Variants in SUCO observed in about 807,000 individuals in gnomAD.
SUCO encodes SUN domain containing ossification factor.
Under a neutral mutation model 148.1 loss-of-function variants are expected in SUCO, and 57 were observed. The ratio of observed to expected loss-of-function variants is 0.38; its 90% CI spans 0.31 to 0.48. The LOEUF is 0.48. SUCO is among the 20% of genes least tolerant of loss of function. The pLI is 0.96. For missense variants in SUCO, 1,331 were observed against 1,468.2 expected, an observed-to-expected ratio of 0.91 and a Z score of 1.53; for synonymous variants, 470 against 502.7, an observed-to-expected ratio of 0.93 and a Z score of 0.87.
At chr1:172,549,915 A>G (rs1653160753) in intron 1 of SUCO, among the ~76,000 whole-genome samples, 1 of 151,540 alleles carries the variant, frequency 6.6e-6, no homozygotes, top group South Asian at 2.1e-4. Flanking sequence ...ATAGAAATAC[A>G]GTTTCTAAAA....
intron 2 of SUCO, chr1:172,552,679 C>G (rs1404348986): frequency 2.1e-6 from 2 of 955,088 alleles, no homozygotes; most frequent in African/African-American, 3.5e-5. Flanking sequence ...TATATTTTCA[C>G]CCACACAGTA....
intron 15 of SUCO, among the ~76,000 whole-genome samples, chr1:172,584,067 G>T (rs923457898): frequency 8.5e-5 from 13 of 152,124 alleles, no homozygotes; most frequent in Non-Finnish European, 5.9e-5. Flanking sequence ...ATTAACTAAA[G>T]AATTTGTATG....
rs944065510 is a variant in SUCO at position 172,533,466 on chromosome 1, G to A, written c.31G>A (p.Val11Ile). ...GAAGCACCGGCGGGCCTTGGCCCTG[G>A]TCTCCTGCCTCTTTCTGTGCTCTCT... is the stretch of plus-strand genomic sequence containing the variant. MKKHRRALAL[V>I]SCLFLCSLVW... is the part of the protein sequence containing the mutation. The change falls in exon 1 of 24, where the codon GTC becomes ATC. Residue 11 changes from valine to isoleucine, a missense_variant. By Grantham distance (29) the Val-to-Ile change is conservative. This residue lies in a region of SUCO where 992 missense variants were observed against 1,093.5 expected (regional missense o/e 0.91). Coordinates refer to ENST00000263688, the MANE Select transcript of SUCO (RefSeq NM_014283.5). 2.1e-5 allele frequency: 33 copies of A among 1,565,586 alleles called. No individual in the cohort carries two copies. In the South Asian group the frequency reaches 2.1e-4, roughly 10 times the overall value.
upstream of SUCO, chr1:172,533,074 G>A: frequency 1.4e-6 from 2 of 1,430,044 alleles, no homozygotes; most frequent in Non-Finnish European, 1.8e-6. Flanking sequence ...CCGGCGATTG[G>A]CTGTTGAGAG....
intron 1 of SUCO, among the ~76,000 whole-genome samples, chr1:172,548,467 T>C (rs1178342796): frequency 6.6e-6 from 1 of 152,040 alleles, no homozygotes; most frequent in Non-Finnish European, 1.5e-5. Context: ...TTGTACTCTC[T>C]TTTATCTTTT....
At chr1:172,577,613 C>A in intron 12 of SUCO, 54 bp downstream of exon 12, 1 of 1,597,468 alleles carries the variant, frequency 6.3e-7, no homozygotes, top group South Asian at 1.1e-5. Context: ...CGTATTAATG[C>A]ATTACAAAAA....
Position 172,574,824 on chromosome 1 carries a change from C to T in SUCO, c.1158-694C>T, listed in dbSNP as rs186486491. ...GTTTCTTCCTCCACCTCACACTCAG[C>T]ACTGCATATATACAGTTTTTGAAAT... is the stretch of plus-strand genomic sequence containing the variant. On this transcript the variant is annotated intron_variant, in intron 10 of 23. Transcript: ENST00000263688. The T allele has an allele frequency of 1.5e-5, 13 of 888,702 alleles. 1 individual carries two copies. In the East Asian group the frequency reaches 4.8e-4, roughly 33 times the overall value. 55.1% of individuals were successfully genotyped at this position (888,702 alleles called of 1,614,324 possible).
At position 172,551,513 on chromosome 1, in the gene SUCO, C is replaced by A; in HGVS notation, c.64C>A (p.Leu22Ile). 6.3e-7 allele frequency: 1 copy of A among 1,590,376 alleles called. No homozygotes were observed. The highest frequency in any genetic ancestry group is 8.6e-7 in the Non-Finnish European group (1 of 1,168,618). Residue 22 changes from leucine to isoleucine, a missense_variant and splice_region_variant, in exon 2 of 24, where the codon CTT becomes ATT. By Grantham distance (5) the Leu-to-Ile change is conservative. Coordinates refer to ENST00000263688, the MANE Select transcript of SUCO (RefSeq NM_014283.5). ...SCLFLCSLVW[L>I]PSWRVCCKES... is the part of the protein sequence containing the mutation. ...TTGGTGGTGGTGGGTGTTTTACAGGCTTCCCAGCTGGCGTGTATGTTGTAA... is the reference window on the plus strand; with the variant it reads ...TTGGTGGTGGTGGGTGTTTTACAGGATTCCCAGCTGGCGTGTATGTTGTAA...
intron 10 of SUCO, 52 bp downstream of exon 10, chr1:172,574,050 GAAAAACAA>G (rs751676890): frequency 4.4e-6 from 5 of 1,144,350 alleles, no homozygotes; most frequent in South Asian, 4.2e-5. Context: ...CTGAAAAAAA[GAAAAACAA>G]AAAAACAAAA....
At position 172,579,204 on chromosome 1, in the gene SUCO, TA is replaced by T; in HGVS notation, c.1436del (p.Tyr479PhefsTer25). The T allele has an allele frequency of 6.4e-7, 1 of 1,566,992 alleles. No individual in the cohort carries two copies. The highest frequency in any genetic ancestry group is 8.8e-7 in the Non-Finnish European group (1 of 1,139,634). Reference protein sequence around the residue: ...RQELFDEDYDYPLDYNTGEDK... With the variant: ...RQELFDEDYDXPLDYNTGEDK... ...ACTTTTATTTTCGTTTTTAACAGAT[TA>T]TCCACTGGATTATAATACTGGAGAG... On this transcript the variant is annotated frameshift_variant, in exon 15 of 24. Transcript: ENST00000263688. LOFTEE classifies it high-confidence loss of function.
chr1:172,605,420 C>T (rs570574235), intron 22 of SUCO, among the ~76,000 whole-genome samples: 32 of 151,838 alleles, frequency 2.1e-4, no homozygotes, highest in Non-Finnish European at 3.5e-4. Flanking sequence ...AGAGACTGTC[C>T]TTTTCCCATT....
chr1:172,540,812 A>G (rs925758520), intron 1 of SUCO, among the ~76,000 whole-genome samples: 4 of 152,164 alleles, frequency 2.6e-5, no homozygotes, highest in Admixed American at 6.5e-5. Context: ...TCAAGGAGAA[A>G]GAGAGTTATG....
chr1:172,560,441 G>A (rs1654066453), intron 6 of SUCO, among the ~76,000 whole-genome samples: 1 of 152,224 alleles, frequency 6.6e-6, no homozygotes, highest in Non-Finnish European at 1.5e-5. Flanking sequence ...TGTTCAGCTA[G>A]TAAATAGTCC....
At chr1:172,582,388 T>G (rs1348772567) in intron 15 of SUCO, among the ~76,000 whole-genome samples, 1 of 152,154 alleles carries the variant, frequency 6.6e-6, no homozygotes, top group Non-Finnish European at 1.5e-5. Context: ...GAAAAATGTT[T>G]GTTTTCTTTA....
Position 172,589,296 on chromosome 1 carries a change from C to G in SUCO, c.2195C>G (p.Ser732Cys). ...EPSHSQTLSQ[S>C]LLLDITPEIN... is the part of the protein sequence containing the mutation. ...AGCCATTCTCAAACTCTTTCTCAGTCTCTTCTTTTAGATATTACCCCAGAA... is the reference window on the plus strand; with the variant it reads ...AGCCATTCTCAAACTCTTTCTCAGTGTCTTCTTTTAGATATTACCCCAGAA... The change falls in exon 18 of 24, where the codon TCT (serine) becomes TGT (cysteine). Residue 732 changes from serine to cysteine, a missense_variant. By Grantham distance (112) the Ser-to-Cys change is moderately radical. Transcript: ENST00000263688. 2 of 1,613,436 alleles carry G rather than the reference C, an allele frequency of 1.2e-6. No individual in the cohort carries two copies. The highest frequency in any genetic ancestry group is 1.7e-6 in the Non-Finnish European group (2 of 1,179,742).
At chr1:172,606,853 A>G (rs150289673) in intron 22 of SUCO, among the ~76,000 whole-genome samples, 2 of 151,884 alleles carry the variant, frequency 1.3e-5, no homozygotes, top group East Asian at 3.9e-4. Flanking sequence ...ACTTCTCCGT[A>G]TATCTTCCCT....
intron 22 of SUCO, among the ~76,000 whole-genome samples, chr1:172,604,601 T>C (rs1261268643): frequency 6.6e-6 from 1 of 151,886 alleles, no homozygotes; most frequent in African/African-American, 2.4e-5. Flanking sequence ...ATAGTTACAT[T>C]GTTGTGAAAC....
chr1:172,602,600 T>C, intron 21 of SUCO, 96 bp from the exon 22 acceptor site: 1 of 1,542,092 alleles, frequency 6.5e-7, no homozygotes, highest in Non-Finnish European at 8.7e-7. Context: ...GTGTGGTATG[T>C]ACAGTTCTCA....
At chr1:172,572,820 A>G (rs1655146213) in intron 9 of SUCO, among the ~76,000 whole-genome samples, 2 of 152,060 alleles carry the variant, frequency 1.3e-5, no homozygotes, top group African/African-American at 4.8e-5. Context: ...GGGGTGGAAC[A>G]TAAGCCTGGA....
Sources: allele counts gnomAD v4.1 joint callset (sites outside exome capture counted in the v4.1 genomes callset), GRCh38; gene constraint gnomAD v4.1.1; regional missense constraint gnomAD v4.1.1; transcripts MANE v1.5; gene names NCBI Gene and HGNC (gene_info 2026-07-23, HGNC 2026-07-21).